Variants in COL22A1 observed in about 807,000 individuals in gnomAD.
The protein encoded by COL22A1 is collagen type XXII alpha 1 chain, also known as collagen alpha-1(XXII) chain.
In COL22A1, 221 loss-of-function variants were observed where a neutral mutation model predicts 248.9. That is an observed-to-expected ratio of 0.89 (90% CI 0.80 to 0.99). The LOEUF (loss-of-function observed/expected upper bound fraction) is 0.99. Among genes scored for constraint, COL22A1 ranks in the 50% least tolerant of loss-of-function variants. COL22A1 has a pLI of 0.00. For synonymous variants in COL22A1, 891 were observed against 793.4 expected (o/e 1.12, Z -2.07); for missense variants, 2,240 against 2,179.0 (o/e 1.03, Z -0.56).
chr8:138,698,893 A>C (rs1445414895), intron 32 of COL22A1, among the ~76,000 whole-genome samples: 1 of 152,250 alleles, frequency 6.6e-6, no homozygotes, highest in Non-Finnish European at 1.5e-5. Flanking sequence ...GCAGAGTTAT[A>C]AATGTTTTAT....
At chr8:138,612,976 C>T (rs1207296465) in intron 56 of COL22A1, among the ~76,000 whole-genome samples, 2 of 140,394 alleles carry the variant, frequency 1.4e-5, no homozygotes, top group South Asian at 2.3e-4. Flanking sequence ...GGGCTGGGCA[C>T]GGTGGCTTAC....
chr8:138,616,925 G>A lies in COL22A1; in HGVS notation c.3859C>T (p.Pro1287Ser), dbSNP rs769215973. 3 of 1,614,198 alleles carry A rather than the reference G, an allele frequency of 1.9e-6. No homozygotes were observed. Among genetic ancestry groups the A allele is most frequent in the Middle Eastern group, 1.7e-4 (1 of 6,012 alleles). The change falls in exon 54 of 65, where the codon CCC becomes TCC. Residue 1287 changes from proline (P) to serine (S), a missense_variant. Physicochemically the swap from Pro to Ser is moderately conservative, Grantham distance 74. Coordinates refer to ENST00000303045, the MANE Select transcript of COL22A1 (RefSeq NM_152888.3). ...FKGHTGDSGAPGPRGESGAMG... is the reference protein window; with the variant it reads ...FKGHTGDSGASGPRGESGAMG... ...AGGCGCCCACTTACCCGGGGACCGG[G>A]TGCACCAGAATCGCCTGTGTGTCCC... is the stretch of plus-strand genomic sequence containing the variant.
intron 49 of COL22A1, among the ~76,000 whole-genome samples, chr8:138,632,137 T>C (rs1820776578): frequency 6.6e-6 from 1 of 152,008 alleles, no homozygotes; most frequent in South Asian, 2.1e-4. Context: ...GCACATGCCA[T>C]TAGGAAGGGG....
chr8:138,840,004 A>C lies in COL22A1; in HGVS notation c.733+4080T>G, dbSNP rs566384544. On this transcript the variant is annotated intron_variant, in intron 4 of 64. Transcript: ENST00000303045. Reference sequence around the variant, plus strand: ...TGAGCAGCAGGGCCATCTAAGACCTATGCCTCCAATCTCCTGCGTCTATTC... The same window carrying C: ...TGAGCAGCAGGGCCATCTAAGACCTCTGCCTCCAATCTCCTGCGTCTATTC... 1.4e-4 allele frequency among the ~76,000 whole-genome samples: 21 copies of C among 152,312 alleles called. No homozygotes were observed. The South Asian group carries it at 4.4e-3, about 32-fold the overall frequency.
chr8:138,606,085 A>C (rs1427232645), intron 58 of COL22A1, among the ~76,000 whole-genome samples: 1 of 152,218 alleles, frequency 6.6e-6, no homozygotes, highest in African/African-American at 2.4e-5. Context: ...TTTAATCCTC[A>C]GAAGTAGATG....
At position 138,762,422 on chromosome 8, in the gene COL22A1, T is replaced by G. The variant is rs749917171; in HGVS notation, c.1848A>C (p.Thr616=). 1 of 1,614,126 alleles carries G rather than the reference T, an allele frequency of 6.2e-7. No homozygotes were observed. The highest frequency in any genetic ancestry group is 1.1e-5 in the South Asian group (1 of 91,082). Residue 616 remains threonine, a synonymous_variant, in exon 17 of 65, where the codon ACA becomes ACC. Transcript: ENST00000303045. The part of the protein sequence containing the change: ...LDGFPGKPGD[T]GQQGRPGPSG... Reference sequence around the variant, plus strand: ...GCCAGCACCCACCTACCTGCTGTCCTGTGTCCCCAGGCTTCCCAGGGAATC... The same window carrying G: ...GCCAGCACCCACCTACCTGCTGTCCGGTGTCCCCAGGCTTCCCAGGGAATC...
At chr8:138,730,718 C>T (rs1830648156) in intron 23 of COL22A1, among the ~76,000 whole-genome samples, 1 of 151,978 alleles carries the variant, frequency 6.6e-6, no homozygotes, top group African/African-American at 2.4e-5. Flanking sequence ...AAGAGGTGCT[C>T]GAAGGCCACG....
chr8:138,812,913 T>A, intron 8 of COL22A1, 26 bp downstream of exon 8: 2 of 1,568,976 alleles, frequency 1.3e-6, no homozygotes, highest in Non-Finnish European at 1.8e-6. Flanking sequence ...TTTCCTCCCA[T>A]CCTCTCTGTG....
chr8:138,778,487 C>T (rs879167933), intron 14 of COL22A1, 81 bp from the exon 15 acceptor site: 41 of 1,296,420 alleles, frequency 3.2e-5, no homozygotes, highest in South Asian at 8.9e-5. Context: ...GCCAGTCCCA[C>T]GTTTGGTGAC....
intron 23 of COL22A1, among the ~76,000 whole-genome samples, chr8:138,728,425 T>G (rs188677732): frequency 2.8e-4 from 42 of 152,190 alleles, no homozygotes; most frequent in African/African-American, 9.6e-4. Flanking sequence ...TTGTTAGCAG[T>G]CTGAATGAAC....
At chr8:138,701,963 A>T (rs202084921) in intron 31 of COL22A1, among the ~76,000 whole-genome samples, 1 of 152,230 alleles carries the variant, frequency 6.6e-6, no homozygotes, top group East Asian at 1.9e-4. Flanking sequence ...ATATTTTGTG[A>T]TTCACTTAAC....
At chr8:138,690,734 A>G (rs1564197543) in intron 36 of COL22A1, 87 bp downstream of exon 36, 3 of 1,058,966 alleles carry the variant, frequency 2.8e-6, no homozygotes. Context: ...CCTTACTCCC[A>G]TGTATCCTAC....
intron 46 of COL22A1, among the ~76,000 whole-genome samples, chr8:138,647,061 C>T (rs573844697): frequency 1.3e-5 from 2 of 152,276 alleles, no homozygotes; most frequent in Admixed American, 1.3e-4. Context: ...TATAAGATGG[C>T]TCACTCCCAC....
intron 52 of COL22A1, 54 bp downstream of exon 52, chr8:138,623,678 T>G: frequency 6.8e-7 from 1 of 1,464,948 alleles, no homozygotes; most frequent in Non-Finnish European, 9.4e-7. Flanking sequence ...GTAGTTGTTT[T>G]TGACATGTAA....
At chr8:138,811,274 C>CAT (rs1376746255) in intron 9 of COL22A1, among the ~76,000 whole-genome samples, 4 of 83,344 alleles carry the variant, frequency 4.8e-5, no homozygotes, top group Admixed American at 1.3e-4. Flanking sequence ...TATATATATA[C>CAT]ACACACACAC....
intron 13 of COL22A1, 47 bp from the exon 14 acceptor site, chr8:138,779,609 C>G (rs1406022441): frequency 7.6e-7 from 1 of 1,313,158 alleles, no homozygotes; most frequent in African/African-American, 1.4e-5. Context: ...GGACACAGGC[C>G]CAGGTACACC....
In COL22A1 at chr8:138,636,753, T is replaced by C. The variant is rs1821214256; in HGVS notation, c.3544A>G (p.Lys1182Glu). The C allele has an allele frequency of 6.2e-7, 1 of 1,613,392 alleles. No individual in the cohort carries two copies. Among genetic ancestry groups the C allele is most frequent in the Non-Finnish European group, 8.5e-7 (1 of 1,179,412 alleles). ...ERGADGEVGQ[K>E]GDQGHPGVPG... is the part of the protein sequence containing the mutation. ...AAGTAAATTTTTACCTGATCACCTT[T>C]CTGCCCAACCTCACCATCTGCACCA... The change falls in exon 48 of 65, where the codon AAA becomes GAA. Residue 1182 changes from lysine (K) to glutamate (E), a missense_variant. Coordinates refer to ENST00000303045, the MANE Select transcript of COL22A1 (RefSeq NM_152888.3).
intron 45 of COL22A1, among the ~76,000 whole-genome samples, chr8:138,652,609 T>A (rs983291368): frequency 1.3e-5 from 2 of 152,144 alleles, no homozygotes; most frequent in Non-Finnish European, 2.9e-5. Flanking sequence ...TTGTGAAATT[T>A]AAATAAAATA....
At chr8:138,858,985 G>C (rs1822245859) in intron 3 of COL22A1, among the ~76,000 whole-genome samples, 1 of 152,128 alleles carries the variant, frequency 6.6e-6, no homozygotes. Context: ...TCCCAGCGTT[G>C]ACCCTAAGTC....
Sources: gnomAD v4.1 joint callset for allele counts (sites outside exome capture counted in the v4.1 genomes callset) on GRCh38, gnomAD v4.1.1 for gene constraint, MANE v1.5 for transcripts, NCBI Gene and HGNC (gene_info 2026-07-23, HGNC 2026-07-21) for gene names.